ZCCHC7: variants seen among roughly 807,000 people sequenced by gnomAD.
ZCCHC7 encodes the protein zinc finger CCHC-type containing 7.
ZCCHC7 carries 35 observed loss-of-function variants against 52.0 expected under a neutral mutation model. The observed-to-expected ratio is 0.67, with a 90% CI of 0.51 to 0.89. The LOEUF is 0.89. ZCCHC7 is among the 40% of genes least tolerant of loss of function. The pLI, the probability that ZCCHC7 is intolerant of heterozygous loss-of-function variation, is 0.00. For synonymous variants in ZCCHC7, 217 were observed against 221.5 expected, an observed-to-expected ratio of 0.98 and a Z score of 0.18; for missense variants, 574 against 649.1, an observed-to-expected ratio of 0.88 and a Z score of 1.26.
chr9:37,352,170 A>G (rs1821418207), intron 7 of ZCCHC7, among the ~76,000 whole-genome samples: 1 of 152,234 alleles, frequency 6.6e-6, no homozygotes, highest in Admixed American at 6.5e-5. Context: ...TAGTCACATC[A>G]GTCTAGACCA....
intron 2 of ZCCHC7, among the ~76,000 whole-genome samples, chr9:37,289,042 A>T (rs547717175): frequency 2.6e-5 from 4 of 152,244 alleles, no homozygotes; most frequent in Non-Finnish European, 4.4e-5. Context: ...AACTAAATTC[A>T]TCTTTCCCTC....
chr9:37,335,463 C>T (rs1349703897), intron 6 of ZCCHC7, among the ~76,000 whole-genome samples: 1 of 152,130 alleles, frequency 6.6e-6, no homozygotes, highest in East Asian at 1.9e-4. Flanking sequence ...GTTTCTTCAT[C>T]TGAAAAATGG....
intron 2 of ZCCHC7, among the ~76,000 whole-genome samples, chr9:37,205,537 G>A (rs189416806): frequency 2.6e-4 from 40 of 152,218 alleles, no homozygotes; most frequent in African/African-American, 9.1e-4. Context: ...CTTTTTTTGA[G>A]ACGGAGTCTC....
chr9:37,185,092 A>G (rs570689564), intron 2 of ZCCHC7, among the ~76,000 whole-genome samples: 2 of 151,974 alleles, frequency 1.3e-5, no homozygotes, highest in Non-Finnish European at 2.9e-5. Flanking sequence ...GAAACTAAAC[A>G]TATTATTTTA....
intron 2 of ZCCHC7, among the ~76,000 whole-genome samples, chr9:37,140,000 A>G (rs1455278869): frequency 6.6e-6 from 1 of 151,938 alleles, no homozygotes; most frequent in Non-Finnish European, 1.5e-5. Flanking sequence ...TGCTAATGTA[A>G]TACAAATTAT....
intron 2 of ZCCHC7, among the ~76,000 whole-genome samples, chr9:37,175,469 C>T (rs185013054): frequency 5.9e-5 from 9 of 152,132 alleles, no homozygotes; most frequent in Admixed American, 3.3e-4. Context: ...TTTGGGAGGC[C>T]GAGATAGGCG....
At chr9:37,322,915 G>A (rs943829005) in intron 5 of ZCCHC7, among the ~76,000 whole-genome samples, 5 of 152,004 alleles carry the variant, frequency 3.3e-5, no homozygotes, top group African/African-American at 7.2e-5. Flanking sequence ...TTCTGCATCA[G>A]CAGTATGGGG....
At chr9:37,171,860 A>G (rs1402844644) in intron 2 of ZCCHC7, among the ~76,000 whole-genome samples, 1 of 152,220 alleles carries the variant, frequency 6.6e-6, no homozygotes, top group Non-Finnish European at 1.5e-5. Flanking sequence ...ATATTTGAGT[A>G]AGAGGAATGG....
At chr9:37,238,619 G>C (rs1825752557) in intron 2 of ZCCHC7, among the ~76,000 whole-genome samples, 1 of 151,746 alleles carries the variant, frequency 6.6e-6, no homozygotes. Context: ...CTTTATTGAA[G>C]GCAAAATTTG....
intron 2 of ZCCHC7, among the ~76,000 whole-genome samples, chr9:37,283,171 G>A (rs1011355112): frequency 1.3e-5 from 2 of 152,126 alleles, no homozygotes; most frequent in African/African-American, 4.8e-5. Flanking sequence ...TAATATGTAT[G>A]AAAAATATTG....
chr9:37,324,613 T>C (rs1463538685), intron 5 of ZCCHC7, among the ~76,000 whole-genome samples: 1 of 152,238 alleles, frequency 6.6e-6, no homozygotes, highest in African/African-American at 2.4e-5. Context: ...TCCTGGTCTC[T>C]TGTCAGCTCA....
At chr9:37,168,268 C>G (rs751979678) in intron 2 of ZCCHC7, among the ~76,000 whole-genome samples, 1 of 152,064 alleles carries the variant, frequency 6.6e-6, no homozygotes, top group Non-Finnish European at 1.5e-5. Context: ...TGTGTTTTGT[C>G]TATTTTTTGT....
chr9:37,309,830 G>A (rs1480332785), intron 5 of ZCCHC7, among the ~76,000 whole-genome samples: 2 of 151,428 alleles, frequency 1.3e-5, no homozygotes, highest in Non-Finnish European at 2.9e-5. Flanking sequence ...GCTGAGGCAT[G>A]AGAATTGCTA....
At chr9:37,268,668 C>T (rs895411740) in intron 2 of ZCCHC7, among the ~76,000 whole-genome samples, 4 of 152,100 alleles carry the variant, frequency 2.6e-5, no homozygotes, top group Non-Finnish European at 4.4e-5. Context: ...ACTTGTGATC[C>T]GCCCACCTCG....
At chr9:37,141,149 C>T (rs1275223123) in intron 2 of ZCCHC7, among the ~76,000 whole-genome samples, 2 of 151,884 alleles carry the variant, frequency 1.3e-5, no homozygotes, top group African/African-American at 2.4e-5. Context: ...CTATTGTGGC[C>T]GTTTGCTCTA....
At chr9:37,328,920 G>C (rs923325052) in intron 6 of ZCCHC7, among the ~76,000 whole-genome samples, 1 of 151,708 alleles carries the variant, frequency 6.6e-6, no homozygotes, top group African/African-American at 2.4e-5. Context: ...CTCAAATTAG[G>C]ATTTGTTAAA....
chr9:37,250,708 C>T (rs1304010906), intron 2 of ZCCHC7, among the ~76,000 whole-genome samples: 3 of 152,124 alleles, frequency 2.0e-5, no homozygotes, highest in Non-Finnish European at 2.9e-5. Context: ...AATAGAGTTC[C>T]TTAGCTTGTT....
intron 2 of ZCCHC7, among the ~76,000 whole-genome samples, chr9:37,171,287 A>T (rs190258736): frequency 6.6e-6 from 1 of 152,302 alleles, no homozygotes; most frequent in East Asian, 1.9e-4. Context: ...GGAGAGAACC[A>T]AGGTGGCAGA....
chr9:37,321,011 T>TTTTAC (rs1830028567), intron 5 of ZCCHC7, among the ~76,000 whole-genome samples: 1 of 136,660 alleles, frequency 7.3e-6, no homozygotes, highest in Admixed American at 7.6e-5. Flanking sequence ...TTTTTTGAGA[T>TTTTAC]GGAATCTCAC....
Sources: allele counts gnomAD v4.1 joint callset (sites outside exome capture counted in the v4.1 genomes callset), GRCh38; gene constraint gnomAD v4.1.1; transcripts MANE v1.5; gene names NCBI Gene and HGNC (gene_info 2026-07-23, HGNC 2026-07-21).